DSCAM: variants seen among roughly 807,000 people sequenced by gnomAD.
The protein encoded by DSCAM is cell adhesion molecule DSCAM.
A neutral mutation model predicts 217.7 loss-of-function variants in DSCAM; 47 were observed. That is an observed-to-expected ratio of 0.22 (90% CI 0.17 to 0.28). DSCAM has a LOEUF of 0.28. Among genes scored for constraint, DSCAM ranks in the 10% least tolerant of loss-of-function variants. The probability of loss-of-function intolerance (pLI) is 1.00; values close to 1 mark genes in which losing one functional copy is unlikely to be tolerated. For synonymous variants in DSCAM, 1,056 were observed against 1,015.3 expected (o/e 1.04, Z -0.76); for missense variants, 2,080 against 2,618.3 (o/e 0.79, Z 4.49).
intron 1 of DSCAM, among the ~76,000 whole-genome samples, chr21:40,809,419 G>T (rs1188032573): frequency 1.3e-5 from 2 of 152,214 alleles, no homozygotes; most frequent in East Asian, 3.9e-4. Flanking sequence ...TTTGGGGGTA[G>T]TTCTAAAAGG....
intron 1 of DSCAM, among the ~76,000 whole-genome samples, chr21:40,724,340 A>G (rs1309040103): frequency 6.6e-6 from 1 of 152,216 alleles, no homozygotes; most frequent in African/African-American, 2.4e-5. Flanking sequence ...AAACTGGGGA[A>G]CAAGAATAGA....
chr21:40,145,661 A>G (rs1340167756), intron 16 of DSCAM, among the ~76,000 whole-genome samples: 2 of 117,754 alleles, frequency 1.7e-5, no homozygotes, highest in Non-Finnish European at 4.2e-5. Flanking sequence ...CCTGGCCAAC[A>G]TGGTGAAACC....
At chr21:40,057,695 T>A (rs2837404) in intron 28 of DSCAM, among the ~76,000 whole-genome samples, 73,849 of 151,826 alleles carry the variant, frequency 0.49, 19,000 homozygotes, top group African/African-American at 0.64. Context: ...GATTTAGAAC[T>A]TGATTCAACT....
chr21:40,381,630 T>G (rs2075026444), intron 3 of DSCAM, among the ~76,000 whole-genome samples: 1 of 152,214 alleles, frequency 6.6e-6, no homozygotes, highest in Admixed American at 6.5e-5. Context: ...CATTGAAAAT[T>G]AACTGTAAAG....
At chr21:40,599,396 C>A (rs540263941) in intron 3 of DSCAM, among the ~76,000 whole-genome samples, 52 of 152,256 alleles carry the variant, frequency 3.4e-4, no homozygotes, top group African/African-American at 1.2e-3. Context: ...TGGCTGGCCT[C>A]AGTATGTGTT....
rs182190749 is a variant in DSCAM, at chr21:40,661,855, T to C, written c.508+30955A>G. On this transcript the variant is annotated intron_variant, in intron 3 of 32. Coordinates refer to ENST00000400454, the MANE Select transcript of DSCAM (RefSeq NM_001389.5). ...TAATTTCAGCTTCTAAAACTGCACCTGTTTCTTTGAGCAAAAGTTCCCTGT... is the reference window on the plus strand; with the variant it reads ...TAATTTCAGCTTCTAAAACTGCACCCGTTTCTTTGAGCAAAAGTTCCCTGT... Among the ~76,000 whole-genome samples the C allele has an allele frequency of 6.0e-4, 91 of 152,340 alleles. 1 individual carries two copies. The highest frequency in any genetic ancestry group is 2.4e-4 in the Non-Finnish European group (16 of 68,034).
chr21:40,272,175 G>A (rs190850121), intron 11 of DSCAM, among the ~76,000 whole-genome samples: 2 of 152,028 alleles, frequency 1.3e-5, no homozygotes, highest in East Asian at 3.9e-4. Flanking sequence ...GCCCCCGATC[G>A]GCCTGGAGCA....
At chr21:40,187,009 A>G (rs556475851) in intron 14 of DSCAM, 122 bp downstream of exon 14, 3 of 1,206,054 alleles carry the variant, frequency 2.5e-6, no homozygotes, top group East Asian at 5.4e-5. Context: ...GACTGGGGGA[A>G]GTGGTGCCCT....
At chr21:40,557,408 G>A (rs1356717684) in intron 3 of DSCAM, among the ~76,000 whole-genome samples, 1 of 152,234 alleles carries the variant, frequency 6.6e-6, no homozygotes, top group Admixed American at 6.5e-5. Context: ...AGGCTGGAGT[G>A]CAGTGGTGCG....
chr21:40,095,336 G>A (rs967831132), intron 20 of DSCAM, among the ~76,000 whole-genome samples: 2 of 152,186 alleles, frequency 1.3e-5, no homozygotes, highest in South Asian at 2.1e-4. Flanking sequence ...GGGACATGGA[G>A]CCAAGCCATA....
chr21:40,012,389 AGAC>A lies in DSCAM; in HGVS notation c.*642_*644del, dbSNP rs1310460521. On this transcript the variant is annotated 3_prime_UTR_variant, in exon 33 of 33. Transcript: ENST00000400454. ...GAAGGAGGACCAGGCCACTGGCAGA[AGAC>A]GAGAGAAGCAGACATGGAAATAAAG... The A allele has an allele frequency of 6.6e-6, 1 of 152,234 alleles. No individual in the cohort carries two copies. The highest frequency in any genetic ancestry group is 1.5e-5 in the Non-Finnish European group (1 of 68,038). The allele number at this position is 152,234 out of a possible 1,614,324, so 9.4% of individuals were successfully genotyped here.
intron 13 of DSCAM, among the ~76,000 whole-genome samples, 185 bp downstream of exon 13, chr21:40,187,706 T>A (rs1056744279): frequency 1.3e-5 from 2 of 152,226 alleles, no homozygotes; most frequent in African/African-American, 2.4e-5. Flanking sequence ...TTGGGGGCTT[T>A]ACTTTGACAT....
chr21:40,195,961 T>G (rs1041871002), intron 11 of DSCAM, among the ~76,000 whole-genome samples: 1 of 152,246 alleles, frequency 6.6e-6, no homozygotes, highest in African/African-American at 2.4e-5. Context: ...GTGTTTTCTT[T>G]GTTATCAAGA....
At chr21:40,398,943 G>A (rs2075207802) in intron 3 of DSCAM, among the ~76,000 whole-genome samples, 2 of 152,146 alleles carry the variant, frequency 1.3e-5, no homozygotes, top group African/African-American at 4.8e-5. Context: ...TCCCATGTAA[G>A]TACTTGTTGC....
intron 9 of DSCAM, among the ~76,000 whole-genome samples, chr21:40,309,400 G>T (rs1033764964): frequency 1.3e-5 from 2 of 152,000 alleles, no homozygotes; most frequent in Non-Finnish European, 2.9e-5. Context: ...TCTCTTTCTC[G>T]ATTTATTTCT....
At chr21:40,787,998 C>T (rs2091608662) in intron 1 of DSCAM, among the ~76,000 whole-genome samples, 1 of 152,062 alleles carries the variant, frequency 6.6e-6, no homozygotes, top group African/African-American at 2.4e-5. Context: ...AAAGTTTGCC[C>T]CAGGTTAAGG....
intron 3 of DSCAM, among the ~76,000 whole-genome samples, chr21:40,685,103 A>G (rs189509104): frequency 6.6e-6 from 1 of 152,344 alleles, no homozygotes; most frequent in Admixed American, 6.5e-5. Flanking sequence ...CAAGGCAATA[A>G]AGTACATAAA....
intron 3 of DSCAM, among the ~76,000 whole-genome samples, chr21:40,585,513 G>A (rs1358066356): frequency 6.6e-6 from 1 of 151,478 alleles, no homozygotes; most frequent in African/African-American, 2.4e-5. Flanking sequence ...CTTTTTTAAA[G>A]CACAGCAAAA....
chr21:40,539,385 C>T (rs2076525822), intron 3 of DSCAM, among the ~76,000 whole-genome samples: 1 of 151,976 alleles, frequency 6.6e-6, no homozygotes, highest in Non-Finnish European at 1.5e-5. Flanking sequence ...GTCCCAGCTA[C>T]TCGGAGAGGC....
Sources: allele counts gnomAD v4.1 joint callset (sites outside exome capture counted in the v4.1 genomes callset), GRCh38; gene constraint gnomAD v4.1.1; transcripts MANE v1.5; gene names NCBI Gene and HGNC (gene_info 2026-07-23, HGNC 2026-07-21).